The following LNX1 variants were observed in gnomAD, a reference collection of about 807,000 sequenced individuals.
LNX1 encodes the protein E3 ubiquitin-protein ligase LNX.
Under a neutral mutation model 68.4 loss-of-function variants are expected in LNX1, and 54 were observed. The ratio of observed to expected loss-of-function variants is 0.79; its 90% CI spans 0.63 to 0.99. The LOEUF (loss-of-function observed/expected upper bound fraction) is 0.99. Among genes scored for constraint, LNX1 ranks in the 50% least tolerant of loss-of-function variants. LNX1 has a pLI of 0.00. For missense variants in LNX1, 906 were observed against 926.4 expected (o/e 0.98, Z 0.29); for synonymous variants, 336 against 350.0 (o/e 0.96, Z 0.45).
chr4:53,470,255 A>C (rs2150568777), intron 9 of LNX1, among the ~76,000 whole-genome samples: 1 of 152,370 alleles, frequency 6.6e-6, no homozygotes, highest in African/African-American at 2.4e-5. Context: ...TGATTTTCTC[A>C]ATAGATGCAG....
chr4:53,495,547 G>GTTTTTTTTTTTTTTTTTTTTTTT (rs1560626438), intron 6 of LNX1, among the ~76,000 whole-genome samples: 2 of 79,184 alleles, frequency 2.5e-5, no homozygotes, highest in Non-Finnish European at 2.5e-5. Context: ...GCATGGCATA[G>GTTTTTTTTTTTTTTTTTTTTTTT]CTTTTTTTTT....
chr4:53,549,151 C>A lies in LNX1; in HGVS notation c.380+24472G>T, dbSNP rs77091431. On this transcript the variant is annotated intron_variant, in intron 2 of 10. Transcript: ENST00000263925. ...CCTATGTAACAAACCTTGACATGTA[C>A]CCCCCAAATCTAAAATAAAAGTAAA... 4.1e-4 allele frequency among the ~76,000 whole-genome samples: 62 copies of A among 152,146 alleles called. No individual in the cohort carries two copies. In the East Asian group the frequency reaches 6.4e-3, roughly 16 times the overall value.
intron 1 of LNX1, among the ~76,000 whole-genome samples, chr4:53,580,297 C>A (rs1237067821): frequency 6.6e-6 from 1 of 152,152 alleles, no homozygotes; most frequent in African/African-American, 2.4e-5. Context: ...AAGACAGATC[C>A]CATGTTCTCC....
chr4:53,643,373 C>T (rs1734762233), intron 1 of LNX1, among the ~76,000 whole-genome samples: 1 of 152,086 alleles, frequency 6.6e-6, no homozygotes, highest in South Asian at 2.1e-4. Flanking sequence ...TGATCTCAAA[C>T]TCCCGGGCTC....
chr4:53,501,291 T>C (rs1486799536), intron 4 of LNX1, among the ~76,000 whole-genome samples: 1 of 38,450 alleles, frequency 2.6e-5, no homozygotes, highest in African/African-American at 8.0e-5. Flanking sequence ...CTTTTTTTTT[T>C]TTTTTTTTGG....
intron 2 of LNX1, among the ~76,000 whole-genome samples, chr4:53,564,258 T>A (rs904749076): frequency 3.3e-5 from 5 of 152,216 alleles, no homozygotes; most frequent in Non-Finnish European, 7.3e-5. Flanking sequence ...CCAGTCTGCT[T>A]CAGGCAGCTG....
intron 1 of LNX1, among the ~76,000 whole-genome samples, chr4:53,628,605 C>T (rs1450110692): frequency 2.6e-5 from 4 of 152,136 alleles, no homozygotes; most frequent in African/African-American, 4.8e-5. Flanking sequence ...TACCATTTGA[C>T]GCAGCAGTCC....
chr4:53,508,236 G>A lies in LNX1; in HGVS notation c.381-9C>T. 6.2e-7 allele frequency: 1 copy of A among 1,610,274 alleles called. No homozygotes were observed. The highest frequency in any genetic ancestry group is 8.5e-7 in the Non-Finnish European group (1 of 1,176,734). On this transcript the variant is annotated splice_polypyrimidine_tract_variant and intron_variant, in intron 2 of 10. Transcript: ENST00000263925. ...GGGAGGCACCTTTACAGCTGTAACA[G>A]AACCAGCGGGGAGGTGAAGAAGAGC...
At chr4:53,599,903 A>G (rs1732920304) in intron 2 of LNX1, among the ~76,000 whole-genome samples, 1 of 152,230 alleles carries the variant, frequency 6.6e-6, no homozygotes, top group African/African-American at 2.4e-5. Flanking sequence ...TCGTGCCCAC[A>G]GTCAGGGCTG....
chr4:53,625,165 A>G (rs13148245), intron 1 of LNX1, among the ~76,000 whole-genome samples: 48,502 of 152,040 alleles, frequency 0.32, 8,159 homozygotes, highest in East Asian at 0.58. Context: ...ACCTTGGATT[A>G]GGCAACGGTT....
chr4:53,508,413 G>A (rs1726084377), intron 2 of LNX1, 186 bp from the exon 3 acceptor site: 2 of 683,444 alleles, frequency 2.9e-6, no homozygotes. Context: ...TGCCAACCAA[G>A]TGAATTCATA....
chr4:53,488,509 G>A (rs566647439), intron 6 of LNX1, among the ~76,000 whole-genome samples: 32 of 152,310 alleles, frequency 2.1e-4, no homozygotes, highest in African/African-American at 7.7e-4. Context: ...ATAGAACCCA[G>A]AAGATGAGTT....
chr4:53,625,033 G>C (rs2572295), intron 1 of LNX1, among the ~76,000 whole-genome samples: 53,623 of 152,014 alleles, frequency 0.35, 9,655 homozygotes, highest in Admixed American at 0.4. Flanking sequence ...ATTTGTGATA[G>C]ATATTTTTAA....
At chr4:53,490,359 C>A (rs1045129356) in intron 6 of LNX1, among the ~76,000 whole-genome samples, 3 of 152,196 alleles carry the variant, frequency 2.0e-5, no homozygotes, top group Non-Finnish European at 2.9e-5. Flanking sequence ...CTCTTTCATA[C>A]AGTTATTCCA....
chr4:53,651,922 T>C (rs1373720613), intron 1 of LNX1, among the ~76,000 whole-genome samples: 1 of 152,024 alleles, frequency 6.6e-6, no homozygotes, highest in Non-Finnish European at 1.5e-5. Context: ...AAAAATAGGG[T>C]ATAAAGAGCG....
upstream of LNX1, among the ~76,000 whole-genome samples, chr4:53,592,651 T>C (rs1342662190): frequency 2.6e-5 from 4 of 152,200 alleles, no homozygotes; most frequent in African/African-American, 9.7e-5. Context: ...TTTGCCTCCC[T>C]CGTCTTCTTC....
chr4:53,630,362 A>G (rs1200835823), intron 1 of LNX1, among the ~76,000 whole-genome samples: 1 of 152,178 alleles, frequency 6.6e-6, no homozygotes, highest in Non-Finnish European at 1.5e-5. Flanking sequence ...GGACATACTC[A>G]GAGCAGCAAA....
Position 53,498,644 on chromosome 4 carries a change from T to C in LNX1, c.975A>G (p.Leu325=). The C allele has an allele frequency of 6.2e-7, 1 of 1,613,624 alleles. No individual in the cohort carries two copies. The highest frequency in any genetic ancestry group is 8.5e-7 in the Non-Finnish European group (1 of 1,179,474). ...DGRLLPGDII[L]KVNGMDISNV... ...GCCCCACAGCCACAGTCTCTACCTT[T>C]AGAATGATGTCTCCTGGCAGTAGCC... The change falls in exon 5 of 11, where the codon CTA becomes CTG. Residue 325 remains leucine, a synonymous_variant. Coordinates refer to ENST00000263925, the MANE Select transcript of LNX1 (RefSeq NM_001126328.3).
At chr4:53,588,743 C>T (rs1398335062) in intron 1 of LNX1, among the ~76,000 whole-genome samples, 1 of 152,130 alleles carries the variant, frequency 6.6e-6, no homozygotes, top group African/African-American at 2.4e-5. Context: ...TCCCTTAGGG[C>T]TCCGTAGGCA....
Sources: gnomAD v4.1 joint callset for allele counts (sites outside exome capture counted in the v4.1 genomes callset) on GRCh38, gnomAD v4.1.1 for gene constraint, MANE v1.5 for transcripts, NCBI Gene and HGNC (gene_info 2026-07-23, HGNC 2026-07-21) for gene names.